DIPK2A: variants seen among roughly 807,000 people sequenced by gnomAD.
DIPK2A encodes the protein divergent protein kinase domain 2A, also known as Golgi Protein of 49 kDa.
DIPK2A carries 27 observed loss-of-function variants against 39.0 expected under a neutral mutation model. The observed-to-expected ratio is 0.69, with a 90% CI of 0.51 to 0.96. DIPK2A has a LOEUF of 0.96. Among genes scored for constraint, DIPK2A ranks in the 40% least tolerant of loss-of-function variants. The pLI is 0.00. For missense variants in DIPK2A, 528 were observed against 571.3 expected (o/e 0.92, Z 0.77); for synonymous variants, 298 against 240.8 (o/e 1.24, Z -2.20).
At chr3:143,975,247 G>C (rs1184591798) in intron 1 of DIPK2A, among the ~76,000 whole-genome samples, 1 of 152,062 alleles carries the variant, frequency 6.6e-6, no homozygotes, top group Non-Finnish European at 1.5e-5. Context: ...TTATAGCTGA[G>C]TACATACTGT....
At chr3:143,975,577 T>G (rs1268344375) in intron 1 of DIPK2A, among the ~76,000 whole-genome samples, 1 of 152,122 alleles carries the variant, frequency 6.6e-6, no homozygotes, top group African/African-American at 2.4e-5. Flanking sequence ...GAAACTACAT[T>G]TTTAGTATTT....
intron 1 of DIPK2A, among the ~76,000 whole-genome samples, chr3:143,976,862 T>C (rs1330040194): frequency 6.6e-6 from 1 of 152,070 alleles, no homozygotes; most frequent in Non-Finnish European, 1.5e-5. Flanking sequence ...TGCAAAGCAC[T>C]TCACGTAGTA....
At chr3:143,987,807 T>G (rs1218283024) in intron 2 of DIPK2A, among the ~76,000 whole-genome samples, 1 of 152,194 alleles carries the variant, frequency 6.6e-6, no homozygotes, top group African/African-American at 2.4e-5. Flanking sequence ...TTCCTCAGCC[T>G]CTATTCATTC....
chr3:143,985,851 G>T lies in DIPK2A; in HGVS notation c.961+5G>T, dbSNP rs1415181428. 6.3e-7 allele frequency: 1 copy of T among 1,584,532 alleles called. No individual in the cohort carries two copies. Among genetic ancestry groups the T allele is most frequent in the East Asian group, 2.2e-5 (1 of 44,574 alleles). On this transcript the variant is annotated splice_donor_5th_base_variant and intron_variant, in intron 2 of 2. Transcript: ENST00000315691. The stretch of plus-strand genomic sequence containing the variant: ...ACAAAAGATTAATTAGACAAAGTAA[G>T]TATATAATTTTAGATTTTTTTCTAC...
chr3:143,972,779 C>G lies in DIPK2A; in HGVS notation c.447C>G (p.Leu149=), dbSNP rs2087674495. Residue 149 remains leucine, a synonymous_variant, in exon 1 of 3, where the codon CTC becomes CTG. Coordinates refer to ENST00000315691, the MANE Select transcript of DIPK2A (RefSeq NM_173552.5). ...QAMPRTEFAR[L]NGDVRLLTPE... ...TGCCCCGGACCGAGTTCGCGCGCCT[C>G]AACGGCGACGTGCGTCTGCTCACGC... The G allele has an allele frequency of 1.9e-6, 3 of 1,569,880 alleles. No individual in the cohort carries two copies. The highest frequency in any genetic ancestry group is 2.3e-5 in the South Asian group (2 of 87,102).
At chr3:143,981,094 A>G (rs2087822425) in intron 1 of DIPK2A, among the ~76,000 whole-genome samples, 1 of 152,152 alleles carries the variant, frequency 6.6e-6, no homozygotes, top group Non-Finnish European at 1.5e-5. Flanking sequence ...TGACTGTGTT[A>G]TGGCATGATA....
chr3:143,981,857 T>A (rs2087833353), intron 1 of DIPK2A, among the ~76,000 whole-genome samples: 1 of 152,232 alleles, frequency 6.6e-6, no homozygotes, highest in Non-Finnish European at 1.5e-5. Flanking sequence ...ACTACCTGTG[T>A]GACTTTAGGT....
chr3:143,989,621 A>G lies in DIPK2A; in HGVS notation c.1073A>G (p.His358Arg). The change falls in exon 3 of 3, where the codon CAC (histidine) becomes CGC (arginine). Residue 358 changes from histidine (H) to arginine (R), a missense_variant. Around this residue, in one of 2 missense-constraint regions of DIPK2A, gnomAD observed 219 missense variants for 281.5 expected, o/e 0.78. Transcript: ENST00000315691. Reference sequence around the variant, plus strand: ...CTTTGTGCTCGTGCCACTGTGGACCACAATTACTATGCTGTTTGTCAGAAC... The same window carrying G: ...CTTTGTGCTCGTGCCACTGTGGACCGCAATTACTATGCTGTTTGTCAGAAC... ...EILCARATVD[H>R]NYYAVCQNLL... The G allele has an allele frequency of 6.2e-7, 1 of 1,614,250 alleles. No individual in the cohort carries two copies. The highest frequency in any genetic ancestry group is 8.5e-7 in the Non-Finnish European group (1 of 1,180,044).
At chr3:143,974,209 C>T (rs73870991) in intron 1 of DIPK2A, among the ~76,000 whole-genome samples, 448 of 152,000 alleles carry the variant, frequency 2.9e-3, no homozygotes, top group African/African-American at 0.01. Flanking sequence ...CTACACTGCC[C>T]ATTTTAGCTT....
Position 143,991,557 on chromosome 3 carries a change from G to A in DIPK2A, c.*1716G>A, listed in dbSNP as rs955062481. Reference sequence around the variant, plus strand: ...GATGAAGTCAATAAAGTTTATGCCAGTTTAAAAACTGGAAGGAAAAGGTAA... The same window carrying A: ...GATGAAGTCAATAAAGTTTATGCCAATTTAAAAACTGGAAGGAAAAGGTAA... On this transcript the variant is annotated 3_prime_UTR_variant, in exon 3 of 3. Coordinates refer to ENST00000315691, the MANE Select transcript of DIPK2A (RefSeq NM_173552.5). 1.3e-5 allele frequency: 2 copies of A among 152,598 alleles called. No individual in the cohort carries two copies. Among genetic ancestry groups the A allele is most frequent in the African/African-American group, 2.4e-5 (1 of 41,462 alleles). The allele number at this position is 152,598 out of a possible 1,614,324, so 9.5% of individuals were successfully genotyped here.
intron 2 of DIPK2A, among the ~76,000 whole-genome samples, chr3:143,989,076 T>C (rs2087946026): frequency 6.6e-6 from 1 of 152,242 alleles, no homozygotes; most frequent in Non-Finnish European, 1.5e-5. Flanking sequence ...GTCCATGTCT[T>C]TGCATATACT....
chr3:143,973,095 C>A, intron 1 of DIPK2A, 106 bp downstream of exon 1: 2 of 1,412,252 alleles, frequency 1.4e-6, no homozygotes, highest in African/African-American at 1.4e-5. Context: ...CGGACTCGGC[C>A]GGGCTGGGCC....
In DIPK2A at chr3:143,972,612, G is replaced by A. The variant is rs1313929991; in HGVS notation, c.280G>A (p.Ala94Thr). 6.2e-7 allele frequency: 1 copy of A among 1,612,018 alleles called. No homozygotes were observed. The highest frequency in any genetic ancestry group is 1.1e-5 in the South Asian group (1 of 91,052). ...DFLNVKNVYF[A>T]QYGEPREGGR... ...CCTCAACGTGAAGAACGTGTACTTC[G>A]CGCAGTACGGCGAGCCCCGCGAGGG... Residue 94 changes from alanine (A) to threonine (T), a missense_variant, in exon 1 of 3, where the codon GCG becomes ACG. Around this residue, in one of 2 missense-constraint regions of DIPK2A, gnomAD observed 309 missense variants for 289.8 expected, o/e 1.07. Transcript: ENST00000315691.
chr3:143,985,710 A>C lies in DIPK2A; in HGVS notation c.825A>C (p.Thr275=), dbSNP rs1373974034. 6.2e-7 allele frequency: 1 copy of C among 1,614,216 alleles called. No individual in the cohort carries two copies. The highest frequency in any genetic ancestry group is 1.7e-5 in the Admixed American group (1 of 60,034). ...WQLMEIAEQL[T]NNDFEFALYL... is the part of the protein sequence containing the mutation. ...TAATGGAAATAGCAGAACAGCTTAC[A>C]AACAATGACTTTGAATTTGCACTCT... is the stretch of plus-strand genomic sequence containing the variant. The change falls in exon 2 of 3, where the codon ACA becomes ACC. Residue 275 remains threonine, a synonymous_variant. Transcript: ENST00000315691.
intron 1 of DIPK2A, among the ~76,000 whole-genome samples, chr3:143,977,527 G>A (rs1431283900): frequency 6.6e-6 from 1 of 152,064 alleles, no homozygotes; most frequent in Non-Finnish European, 1.5e-5. Context: ...CAAGGATCTT[G>A]TGAGGCAATA....
intron 1 of DIPK2A, among the ~76,000 whole-genome samples, chr3:143,974,107 C>T (rs1216125984): frequency 1.4e-5 from 2 of 144,076 alleles, no homozygotes; most frequent in African/African-American, 5.3e-5. Flanking sequence ...TCACTGAGGG[C>T]TGGAGGTACA....
At position 143,973,371 on chromosome 3, in the gene DIPK2A, G is replaced by A. The variant is rs1332976977; in HGVS notation, c.657+382G>A. 1.0e-5 allele frequency: 16 copies of A among 1,546,916 alleles called. No homozygotes were observed. In the East Asian group the frequency reaches 3.4e-4, roughly 33 times the overall value. On this transcript the variant is annotated intron_variant, in intron 1 of 2. Coordinates refer to ENST00000315691, the MANE Select transcript of DIPK2A (RefSeq NM_173552.5). Reference sequence around the variant, plus strand: ...CAGGTCCGCGGCGCAGACTGTTCACGAGCCCTTGGACCTTTCCTAGTTCTT... The same window carrying A: ...CAGGTCCGCGGCGCAGACTGTTCACAAGCCCTTGGACCTTTCCTAGTTCTT...
intron 1 of DIPK2A, among the ~76,000 whole-genome samples, chr3:143,979,416 A>T (rs2087797140): frequency 6.6e-6 from 1 of 152,204 alleles, no homozygotes; most frequent in Non-Finnish European, 1.5e-5. Flanking sequence ...GTACAAAAAA[A>T]CAGGTTAAGT....
intron 1 of DIPK2A, among the ~76,000 whole-genome samples, chr3:143,974,654 G>A (rs2087704709): frequency 6.6e-6 from 1 of 152,064 alleles, no homozygotes; most frequent in Admixed American, 6.5e-5. Context: ...AGCTGTCTTA[G>A]TAATATACAT....
Sources: allele counts gnomAD v4.1 joint callset (sites outside exome capture counted in the v4.1 genomes callset), GRCh38; gene constraint gnomAD v4.1.1; regional missense constraint gnomAD v4.1.1; transcripts MANE v1.5; gene names NCBI Gene and HGNC (gene_info 2026-07-23, HGNC 2026-07-21).